Variants in ZNF91 observed in about 807,000 individuals in gnomAD.
ZNF91 encodes zinc finger protein 91 (HPF7, HTF10).
ZNF91 carries 7 observed loss-of-function variants against 12.6 expected under a neutral mutation model. The observed-to-expected ratio is 0.55, with a 90% CI of 0.31 to 1.04. The LOEUF (loss-of-function observed/expected upper bound fraction) is 1.04, where lower values mean the gene tolerates loss of function less well. ZNF91 is among the 50% of genes least tolerant of loss of function. ZNF91 has a pLI of 0.05. For missense variants in ZNF91, 1,217 were observed against 1,385.4 expected, an observed-to-expected ratio of 0.88 and a Z score of 1.93; for synonymous variants, 453 against 462.6, an observed-to-expected ratio of 0.98 and a Z score of 0.27.
At chr19:23,369,082 C>A (rs188360934) in intron 3 of ZNF91, among the ~76,000 whole-genome samples, 2 of 152,184 alleles carry the variant, frequency 1.3e-5, no homozygotes, top group East Asian at 3.9e-4. Context: ...GAGGCCGTGG[C>A]AGGCAGATCA....
At chr19:23,365,088 AT>A (rs1968948561) in intron 3 of ZNF91, among the ~76,000 whole-genome samples, 2 of 152,180 alleles carry the variant, frequency 1.3e-5, no homozygotes, top group Non-Finnish European at 2.9e-5. Flanking sequence ...TCATTAAAAA[AT>A]CTTAGAAGAA....
At chr19:23,385,336 CAAACT>C (rs961459144) in intron 1 of ZNF91, 6 of 401,598 alleles carry the variant, frequency 1.5e-5, no homozygotes, top group East Asian at 1.1e-4. Context: ...GGTACAAAAA[CAAACT>C]AAACTAACTG....
intron 1 of ZNF91, among the ~76,000 whole-genome samples, chr19:23,330,022 C>A (rs899358250): frequency 2.0e-5 from 3 of 152,258 alleles, no homozygotes; most frequent in Admixed American, 2.0e-4. Context: ...CTTCTAAGAC[C>A]ATCTCACATA....
At position 23,358,548 on chromosome 19, in the gene ZNF91, T is replaced by A. The variant is rs1968561349; in HGVS notation, c.*855A>T. 6.6e-6 allele frequency: 1 copy of A among 152,296 alleles called. No homozygotes were observed. 9.4% of individuals were successfully genotyped at this position (152,296 alleles called of 1,614,324 possible). On this transcript the variant is annotated 3_prime_UTR_variant, in exon 4 of 4. Transcript: ENST00000300619. The stretch of plus-strand genomic sequence containing the variant: ...AGTCGTTTGACAGTAATTACACTTC[T>A]TATTTAGTATGAACGCTCTGAATTT...
chr19:23,345,806 G>A (rs1450101921), intron 3 of ZNF91, among the ~76,000 whole-genome samples: 2 of 151,342 alleles, frequency 1.3e-5, no homozygotes, highest in Non-Finnish European at 2.9e-5. Context: ...TTCCTATATC[G>A]TCCCCTCCTC....
chr19:23,390,134 T>G (rs1441539793), intron 1 of ZNF91, among the ~76,000 whole-genome samples: 1 of 152,024 alleles, frequency 6.6e-6, no homozygotes, highest in Non-Finnish European at 1.5e-5. Context: ...CTGACCAACA[T>G]GGAGAAACTC....
chr19:23,331,065 AC>A (rs1238164636), intron 1 of ZNF91, among the ~76,000 whole-genome samples: 1 of 152,208 alleles, frequency 6.6e-6, no homozygotes, highest in Non-Finnish European at 1.5e-5. Flanking sequence ...TGGTGACCAT[AC>A]ATGCTGTCTG....
intron 3 of ZNF91, among the ~76,000 whole-genome samples, chr19:23,350,218 C>A (rs1407773222): frequency 6.6e-6 from 1 of 152,164 alleles, no homozygotes; most frequent in Non-Finnish European, 1.5e-5. Flanking sequence ...TACTAGAAAT[C>A]ACTTCAAACA....
intron 1 of ZNF91, among the ~76,000 whole-genome samples, chr19:23,318,592 A>G (rs1967619180): frequency 6.6e-6 from 1 of 152,154 alleles, no homozygotes; most frequent in East Asian, 1.9e-4. Context: ...GGGCATTGTG[A>G]CATATCTCTA....
intron 1 of ZNF91, among the ~76,000 whole-genome samples, chr19:23,388,570 T>G (rs1969954177): frequency 6.6e-6 from 1 of 152,074 alleles, no homozygotes; most frequent in African/African-American, 2.4e-5. Context: ...AGACCATTAT[T>G]CTTGGAAAAC....
intron 1 of ZNF91, among the ~76,000 whole-genome samples, chr19:23,386,854 AAC>A (rs1195786373): frequency 2.0e-5 from 3 of 152,216 alleles, no homozygotes; most frequent in Admixed American, 6.5e-5. Flanking sequence ...GGAAACTATC[AAC>A]ACAGTAAACA....
intron 1 of ZNF91, among the ~76,000 whole-genome samples, chr19:23,317,983 C>T (rs1967604109): frequency 6.6e-6 from 1 of 152,152 alleles, no homozygotes; most frequent in East Asian, 1.9e-4. Flanking sequence ...AGTGATTTGA[C>T]CCTTCTGCCT....
At chr19:23,393,789 C>T (rs1031422221) in intron 1 of ZNF91, among the ~76,000 whole-genome samples, 4 of 152,160 alleles carry the variant, frequency 2.6e-5, no homozygotes, top group African/African-American at 9.7e-5. Context: ...CAGCTGAGGC[C>T]AGGAGTTCGA....
chr19:23,316,426 T>C (rs1967562038), intron 1 of ZNF91, among the ~76,000 whole-genome samples: 1 of 152,144 alleles, frequency 6.6e-6, no homozygotes, highest in Non-Finnish European at 1.5e-5. Flanking sequence ...CAGAAAGCAT[T>C]TTGACATATT....
downstream of ZNF91, chr19:23,337,931 C>A (rs1012710752): frequency 6.6e-6 from 1 of 151,930 alleles, no homozygotes; most frequent in African/African-American, 2.4e-5. Context: ...TTAAACAGGT[C>A]TTTTAAAATA....
chr19:23,374,851 T>G, intron 1 of ZNF91, 87 bp from the exon 2 acceptor site: 1 of 1,569,752 alleles, frequency 6.4e-7, no homozygotes, highest in Non-Finnish European at 8.6e-7. Flanking sequence ...AGAAAGTGAC[T>G]AGAACTGGTT....
chr19:23,395,209 C>A, intron 1 of ZNF91, 116 bp downstream of exon 1: 1 of 1,334,548 alleles, frequency 7.5e-7, no homozygotes, highest in Non-Finnish European at 1.0e-6. Flanking sequence ...CAAGGAGAAC[C>A]CGGGCACGGA....
chr19:23,392,068 ATTATG>A (rs60499299), intron 1 of ZNF91, among the ~76,000 whole-genome samples: 98 of 152,316 alleles, frequency 6.4e-4, no homozygotes, highest in African/African-American at 2.2e-3. Flanking sequence ...CAATAAATAT[ATTATG>A]TTATTATTTG....
At chr19:23,392,257 G>C (rs900849933) in intron 1 of ZNF91, among the ~76,000 whole-genome samples, 1 of 151,612 alleles carries the variant, frequency 6.6e-6, no homozygotes, top group African/African-American at 2.4e-5. Context: ...TTAGCCGGGC[G>C]TTGTGGCAAG....
Sources: allele counts gnomAD v4.1 joint callset (sites outside exome capture counted in the v4.1 genomes callset), GRCh38; gene constraint gnomAD v4.1.1; transcripts MANE v1.5; gene names NCBI Gene and HGNC (gene_info 2026-07-23, HGNC 2026-07-21).